The following PLCG2 variants were observed in gnomAD, a reference collection of about 807,000 sequenced individuals.
The protein encoded by PLCG2 is 1-phosphatidylinositol 4,5-bisphosphate phosphodiesterase gamma-2.
In PLCG2, 69 loss-of-function variants were observed where a neutral mutation model predicts 175.6. The observed-to-expected ratio is 0.39, with a 90% CI of 0.32 to 0.48. The LOEUF is 0.48. PLCG2 is among the 20% of genes least tolerant of loss of function. The pLI is 0.91. For missense variants in PLCG2, 1,798 were observed against 1,650.9 expected (o/e 1.09, Z -1.54); for synonymous variants, 827 against 624.0 (o/e 1.33, Z -4.85).
chr16:81,887,004 G>C (rs1908399610), intron 9 of PLCG2, among the ~76,000 whole-genome samples: 1 of 152,100 alleles, frequency 6.6e-6, no homozygotes, highest in African/African-American at 2.4e-5. Flanking sequence ...AGCCAGTCCA[G>C]GGCCAGGTTA....
At chr16:81,876,603 A>G (rs998161801) in intron 7 of PLCG2, among the ~76,000 whole-genome samples, 9 of 152,202 alleles carry the variant, frequency 5.9e-5, no homozygotes, top group African/African-American at 1.7e-4. Context: ...AGCTACCAGA[A>G]GAAATTAGTT....
At chr16:81,753,742 G>A (rs979736107) in intron 1 of PLCG2, among the ~76,000 whole-genome samples, 7 of 152,188 alleles carry the variant, frequency 4.6e-5, no homozygotes, top group African/African-American at 1.7e-4. Flanking sequence ...AGGGAACCAG[G>A]AGGTGACAGA....
At chr16:81,743,787 G>A (rs1032493528) in intron 1 of PLCG2, among the ~76,000 whole-genome samples, 1 of 152,180 alleles carries the variant, frequency 6.6e-6, no homozygotes, top group African/African-American at 2.4e-5. Flanking sequence ...TGACATTGTT[G>A]GAGCCCCTTG....
chr16:81,805,500 G>GAAAAAAAAAAAAA (rs1316978784), intron 2 of PLCG2, among the ~76,000 whole-genome samples: 1 of 54,250 alleles, frequency 1.8e-5, no homozygotes, highest in African/African-American at 5.8e-5. Flanking sequence ...CTCCATCTCA[G>GAAAAAAAAAAAAA]AAAAAAAAAA....
chr16:81,842,191 A>C lies in PLCG2; in HGVS notation c.194-12253A>C, dbSNP rs117771065. 3.1e-4 allele frequency among the ~76,000 whole-genome samples: 47 copies of C among 152,256 alleles called. 1 individual carries two copies. In the East Asian group the frequency reaches 8.9e-3, roughly 29 times the overall value. On this transcript the variant is annotated intron_variant, in intron 2 of 32. Coordinates refer to ENST00000564138, the MANE Select transcript of PLCG2 (RefSeq NM_002661.5). Reference sequence around the variant, plus strand: ...GTCTTTGTACTCCAGAACTCCCTACAAAGGGAGGCTTTCTCCTCTTCTTCC... The same window carrying C: ...GTCTTTGTACTCCAGAACTCCCTACCAAGGGAGGCTTTCTCCTCTTCTTCC...
intron 2 of PLCG2, among the ~76,000 whole-genome samples, chr16:81,850,583 C>G (rs1906355513): frequency 6.6e-6 from 1 of 151,978 alleles, no homozygotes; most frequent in Non-Finnish European, 1.5e-5. Flanking sequence ...GAGCTTATGC[C>G]CAGGCATAAG....
At chr16:81,842,065 G>A (rs1905862421) in intron 2 of PLCG2, among the ~76,000 whole-genome samples, 1 of 152,228 alleles carries the variant, frequency 6.6e-6, no homozygotes, top group East Asian at 1.9e-4. Context: ...TCAATGATAA[G>A]CATCACTGCT....
chr16:81,845,322 T>C (rs1228895049), intron 2 of PLCG2, among the ~76,000 whole-genome samples: 1 of 152,218 alleles, frequency 6.6e-6, no homozygotes, highest in Non-Finnish European at 1.5e-5. Flanking sequence ...ATCTTTGTTT[T>C]TTTTCCCCTA....
chr16:81,767,136 GTTTTTTTTTTTTT>G (rs66799783), intron 2 of PLCG2, among the ~76,000 whole-genome samples: 783 of 71,818 alleles, frequency 0.011, 7 homozygotes, highest in Non-Finnish European at 0.013. Context: ...TAAACTCGTG[GTTTTTTTTTTTTT>G]TTTTTTTTTT....
At chr16:81,930,719 G>A (rs1025383288) in intron 24 of PLCG2, among the ~76,000 whole-genome samples, 2 of 142,964 alleles carry the variant, frequency 1.4e-5, no homozygotes, top group Non-Finnish European at 3.0e-5. Flanking sequence ...CTGCACTTCA[G>A]CCTGGGTGAC....
chr16:81,781,884 G>T (rs1037136599), intron 1 of PLCG2, among the ~76,000 whole-genome samples: 1 of 83,698 alleles, frequency 1.2e-5, no homozygotes, highest in African/African-American at 4.5e-5. Context: ...CCCCCCGCCC[G>T]CCCCCGAGAC....
chr16:81,938,811 C>A lies in PLCG2; in HGVS notation c.3209C>A (p.Ala1070Asp). 1 of 1,596,768 alleles carries A rather than the reference C, an allele frequency of 6.3e-7. No homozygotes were observed. The highest frequency in any genetic ancestry group is 8.5e-7 in the Non-Finnish European group (1 of 1,170,740). The change falls in exon 29 of 33, where the codon GCT becomes GAT. Residue 1070 changes from alanine (A) to aspartate (D), a missense_variant. By Grantham distance (126) the Ala-to-Asp change is moderately radical. Transcript: ENST00000564138. The part of the protein sequence containing the change: ...LMTLTVKVLG[A>D]RHLPKLGRSI... ...CCTTTGGTGTCCCAGGTTCTCGGTG[C>A]TCGCCATCTCCCCAAACTTGGACGA...
intron 5 of PLCG2, among the ~76,000 whole-genome samples, chr16:81,868,980 C>CT (rs1264191764): frequency 6.6e-6 from 1 of 152,250 alleles, no homozygotes; most frequent in Non-Finnish European, 1.5e-5. Flanking sequence ...GGGCATCACC[C>CT]TACCCTGTGA....
At chr16:81,925,948 T>TA (rs1447846547) in intron 22 of PLCG2, among the ~76,000 whole-genome samples, 1 of 151,816 alleles carries the variant, frequency 6.6e-6, no homozygotes, top group East Asian at 1.9e-4. Flanking sequence ...TGTATAATTA[T>TA]ACGTTAAGTA....
chr16:81,771,473 AC>A (rs1482191464), intron 2 of PLCG2, among the ~76,000 whole-genome samples: 2 of 152,130 alleles, frequency 1.3e-5, no homozygotes, highest in African/African-American at 4.8e-5. Context: ...ATCCCTCAGG[AC>A]CCAGTTCTGA....
chr16:81,877,789 T>G (rs112247612), intron 7 of PLCG2, among the ~76,000 whole-genome samples: 161 of 130,130 alleles, frequency 1.2e-3, no homozygotes, highest in African/African-American at 4.4e-3. Context: ...GCTCCTTGGC[T>G]TGTAGATGTC....
chr16:81,860,172 A>ATTATTATTAT lies in PLCG2; in HGVS notation c.479+1011_479+1012insATTATTATTT, dbSNP rs763047744. On this transcript the variant is annotated intron_variant, in intron 5 of 32. Coordinates refer to ENST00000564138, the MANE Select transcript of PLCG2 (RefSeq NM_002661.5). ...TATTATTATTATTATTATTATTATTATTTTTTTTTTTTTTTGTAAAGGTGA... is the reference window on the plus strand; with the variant it reads ...TATTATTATTATTATTATTATTATTATTATTATTATTTTTTTTTTTTTTTTGTAAAGGTGA... Among the ~76,000 whole-genome samples, 1,011 of 120,578 alleles carry ATTATTATTAT rather than the reference A, an allele frequency of 8.4e-3. 8 individuals carry two copies. Among genetic ancestry groups the ATTATTATTAT allele is most frequent in the African/African-American group, 0.019 (611 of 32,288 alleles). 79.1% of individuals were successfully genotyped at this position (120,578 alleles called of 152,430 possible). A position where few individuals can be genotyped will look rare whatever the true frequency, so the allele number is the denominator to read the frequency against.
At chr16:81,867,058 G>T (rs1907276602) in intron 5 of PLCG2, among the ~76,000 whole-genome samples, 1 of 152,232 alleles carries the variant, frequency 6.6e-6, no homozygotes, top group Non-Finnish European at 1.5e-5. Flanking sequence ...GTAAGTGGGT[G>T]GGGAGCATCT....
chr16:81,878,799 C>A (rs539006978), intron 7 of PLCG2, among the ~76,000 whole-genome samples: 2 of 152,320 alleles, frequency 1.3e-5, no homozygotes, highest in South Asian at 4.1e-4. Context: ...CGACTGTCTT[C>A]CTTATCTTGC....
Sources: gnomAD v4.1 joint callset for allele counts (sites outside exome capture counted in the v4.1 genomes callset) on GRCh38, gnomAD v4.1.1 for gene constraint, MANE v1.5 for transcripts, NCBI Gene and HGNC (gene_info 2026-07-23, HGNC 2026-07-21) for gene names.